NCR1: variants seen among roughly 807,000 people sequenced by gnomAD.
The protein encoded by NCR1 is natural cytotoxicity triggering receptor 1, also known as NK cell-activating receptor.
In NCR1, 30 loss-of-function variants were observed where a neutral mutation model predicts 32.5. The ratio of observed to expected loss-of-function variants is 0.92; its 90% CI spans 0.69 to 1.25. The LOEUF is 1.25. NCR1 is among the 50% of genes most tolerant of loss of function. The probability of loss-of-function intolerance (pLI) is 0.00; values close to 1 mark genes in which losing one functional copy is unlikely to be tolerated. For synonymous variants in NCR1, 169 were observed against 143.4 expected (o/e 1.18, Z -1.28); for missense variants, 369 against 380.7 (o/e 0.97, Z 0.26).
At chr19:54,930,361 C>T in the NCR1 span, 1 of 673,362 alleles carries the variant, frequency 1.5e-6, no homozygotes, top group Non-Finnish European at 2.7e-6. Context: ...ACTCAGGAGG[C>T]TGAGGTGGGA....
the NCR1 span, among the ~76,000 whole-genome samples, chr19:54,922,967 C>CAG: frequency 0.068 from 10,146 of 149,978 alleles, 350 homozygotes; most frequent in South Asian, 0.11. Context: ...CACACAGAGA[C>CAG]AGAGAGAGAG....
chr19:54,900,678 G>C, the NCR1 span, among the ~76,000 whole-genome samples: 1 of 152,076 alleles, frequency 6.6e-6, no homozygotes, highest in Non-Finnish European at 1.5e-5. Context: ...ACTGCACCTG[G>C]CCTTAGAAAA....
At chr19:54,904,436 C>T (rs2067422887), upstream of NCR1, among the ~76,000 whole-genome samples, 1 of 151,750 alleles carries the variant, frequency 6.6e-6, no homozygotes, top group Non-Finnish European at 1.5e-5. Flanking sequence ...GATCTAGTCA[C>T]CAAATAGGTA....
At chr19:54,924,152 G>T in the NCR1 span, among the ~76,000 whole-genome samples, 1 of 152,142 alleles carries the variant, frequency 6.6e-6, no homozygotes, top group African/African-American at 2.4e-5. Flanking sequence ...ATTTACAGTA[G>T]AGATGGGGTT....
the NCR1 span, among the ~76,000 whole-genome samples, chr19:54,928,191 G>T: frequency 2.6e-3 from 403 of 152,290 alleles, 4 homozygotes; most frequent in African/African-American, 9.2e-3. Flanking sequence ...CTGCACTCCA[G>T]CCTGGGCAAT....
At chr19:54,922,903 AACAGACACAGAGACAGAGAGACAAAAAG>A in the NCR1 span, among the ~76,000 whole-genome samples, 7 of 151,354 alleles carry the variant, frequency 4.6e-5, no homozygotes, top group African/African-American at 1.7e-4. Context: ...CACACACAGA[AACAGACACAGAGACAGAGAGACAAAAAG>A]ACAGACACAG....
At chr19:54,904,660 G>A (rs988588434), upstream of NCR1, among the ~76,000 whole-genome samples, 8 of 151,314 alleles carry the variant, frequency 5.3e-5, no homozygotes, top group African/African-American at 1.9e-4. Context: ...AGCCTCCCGA[G>A]TAGTTGGGAC....
intron 3 of NCR1, among the ~76,000 whole-genome samples, chr19:54,908,959 C>T (rs769199272): frequency 1.8e-4 from 26 of 147,992 alleles, no homozygotes; most frequent in Non-Finnish European, 3.0e-4. Context: ...TGGTTTTAGA[C>T]GGTAAATCTT....
the NCR1 span, among the ~76,000 whole-genome samples, chr19:54,899,000 T>C: frequency 6.6e-6 from 1 of 151,752 alleles, no homozygotes; most frequent in Non-Finnish European, 1.5e-5. Flanking sequence ...GATGGGTCTG[T>C]AGAAAAGGAA....
chr19:54,909,371 C>A lies in NCR1; in HGVS notation c.482C>A (p.Ser161Tyr). ...TTCTTACTGCTCAAGGAGGGAAGAT[C>A]CAGCCACGTACAGCGCGGATACGGG... is the stretch of plus-strand genomic sequence containing the variant. ...SMFLLLKEGRSSHVQRGYGKV... is the reference protein window; with the variant it reads ...SMFLLLKEGRYSHVQRGYGKV... Residue 161 changes from serine (S) to tyrosine (Y), a missense_variant, in exon 4 of 7, where the codon TCC becomes TAC. Physicochemically the swap from Ser to Tyr is moderately radical, Grantham distance 144. Transcript: ENST00000291890. 1 of 1,614,110 alleles carries A rather than the reference C, an allele frequency of 6.2e-7. No individual in the cohort carries two copies. The highest frequency in any genetic ancestry group is 8.5e-7 in the Non-Finnish European group (1 of 1,180,022).
upstream of NCR1, among the ~76,000 whole-genome samples, chr19:54,902,028 AAT>A (rs369684912): frequency 4.6e-4 from 70 of 152,336 alleles, no homozygotes; most frequent in East Asian, 8.9e-3. Context: ...TCCTAAACCA[AAT>A]ATATGTCACT....
the NCR1 span, chr19:54,936,166 C>T: frequency 3.5e-5 from 37 of 1,063,340 alleles, no homozygotes; most frequent in African/African-American, 6.2e-5. Flanking sequence ...CTGTCTGGGA[C>T]GGCATCTGGA....
chr19:54,902,774 C>A (rs1455369669), upstream of NCR1, among the ~76,000 whole-genome samples: 1 of 152,004 alleles, frequency 6.6e-6, no homozygotes, highest in African/African-American at 2.4e-5. Context: ...AAGAAAACAC[C>A]CAGAGTTATG....
rs754774319 is a variant in NCR1 at position 54,906,748 on chromosome 19, T to G, written c.296T>G (p.Ile99Ser). 5.6e-6 allele frequency: 9 copies of G among 1,614,076 alleles called. No individual in the cohort carries two copies. In the African/African-American group the frequency reaches 9.3e-5, roughly 17 times the overall value. Residue 99 changes from isoleucine (I) to serine (S), a missense_variant, in exon 3 of 7, where the codon ATC (isoleucine) becomes AGC (serine). Transcript: ENST00000291890. ...NSRMAGQYSC[I>S]YRVGELWSEP... is the part of the protein sequence containing the mutation. ...CGCATGGCAGGGCAATACAGCTGCA[T>G]CTATCGGGTTGGGGAGCTCTGGTCA...
the NCR1 span, among the ~76,000 whole-genome samples, chr19:54,921,972 C>A: frequency 1.3e-5 from 2 of 151,712 alleles, no homozygotes; most frequent in Non-Finnish European, 2.9e-5. Flanking sequence ...TCTCAGCTCA[C>A]CGCAAACTCC....
the NCR1 span, chr19:54,934,800 C>G: frequency 1.5e-6 from 1 of 669,398 alleles, no homozygotes; most frequent in East Asian, 2.8e-5. The surrounding 1 kb of genome is among the most constrained non-coding windows in gnomAD (Gnocchi z 6.7). Flanking sequence ...GCCTCCGCCT[C>G]CCGGGTTCAA....
At chr19:54,935,122 TC>T in the NCR1 span, among the ~76,000 whole-genome samples, 1 of 152,076 alleles carries the variant, frequency 6.6e-6, no homozygotes, top group Admixed American at 6.6e-5. Flanking sequence ...TCTTCAAGTA[TC>T]CCCATGGCCA....
chr19:54,912,064 G>T, intron 5 of NCR1, 104 bp from the exon 6 acceptor site: 1 of 995,830 alleles, frequency 1.0e-6, no homozygotes, highest in South Asian at 1.3e-5. Context: ...GGTGAGGTGG[G>T]ACCTTGTAAA....
At chr19:54,920,923 T>C (rs4806461), downstream of NCR1, among the ~76,000 whole-genome samples, 27,786 of 151,920 alleles carry the variant, frequency 0.18, 2,662 homozygotes, top group East Asian at 0.32. Flanking sequence ...CTGGCCAACA[T>C]GGTGAAATCA....
Sources: gnomAD v4.1 joint callset for allele counts (sites outside exome capture counted in the v4.1 genomes callset) on GRCh38, gnomAD v4.1.1 for gene constraint, Gnocchi (gnomAD v3.1) non-coding constraint, MANE v1.5 for transcripts, NCBI Gene and HGNC (gene_info 2026-07-23, HGNC 2026-07-21) for gene names.